Variants in AFF3 observed in about 807,000 individuals in gnomAD.
AFF3 encodes ALF transcription elongation factor 3.
A neutral mutation model predicts 129.7 loss-of-function variants in AFF3; 32 were observed. The observed-to-expected ratio is 0.25, with a 90% CI of 0.19 to 0.33. AFF3 has a LOEUF of 0.33. AFF3 is among the 10% of genes least tolerant of loss of function. The pLI, the probability that AFF3 is intolerant of heterozygous loss-of-function variation, is 1.00. For missense variants in AFF3, 1,373 were observed against 1,592.0 expected, an observed-to-expected ratio of 0.86 and a Z score of 2.34; for synonymous variants, 644 against 635.4, an observed-to-expected ratio of 1.01 and a Z score of -0.20.
At chr2:99,890,367 C>T (rs934727227) in intron 7 of AFF3, among the ~76,000 whole-genome samples, 2 of 152,226 alleles carry the variant, frequency 1.3e-5, no homozygotes, top group Non-Finnish European at 2.9e-5. Flanking sequence ...AAATACTTTG[C>T]TTCTAATCCT....
intron 13 of AFF3, among the ~76,000 whole-genome samples, chr2:99,628,738 T>TTTTTTTTTTG (rs1682841620): frequency 6.7e-6 from 1 of 148,338 alleles, no homozygotes; most frequent in Non-Finnish European, 1.5e-5. Flanking sequence ...TTTTTTTTTT[T>TTTTTTTTTTG]GAGACAGAGT....
chr2:100,012,463 G>A (rs765606926), intron 4 of AFF3, among the ~76,000 whole-genome samples: 1 of 152,170 alleles, frequency 6.6e-6, no homozygotes, highest in Non-Finnish European at 1.5e-5. Flanking sequence ...GTAAGAGAAA[G>A]GCTGGGCTTC....
At chr2:100,086,950 T>C (rs1477147950) in intron 4 of AFF3, among the ~76,000 whole-genome samples, 3 of 152,228 alleles carry the variant, frequency 2.0e-5, no homozygotes, top group Non-Finnish European at 4.4e-5. Flanking sequence ...AAATGAAGCT[T>C]TGGAGAAGGT....
At chr2:99,967,722 C>A (rs781021290) in intron 7 of AFF3, among the ~76,000 whole-genome samples, 16 of 152,192 alleles carry the variant, frequency 1.1e-4, no homozygotes, top group Non-Finnish European at 2.2e-4. Context: ...ATTTCAGGCA[C>A]CTCACCCACC....
chr2:99,788,959 G>A (rs1231163766), intron 8 of AFF3, among the ~76,000 whole-genome samples: 1 of 152,192 alleles, frequency 6.6e-6, no homozygotes, highest in Admixed American at 6.5e-5. Flanking sequence ...TTCTGGCCTA[G>A]GAGCAACAGA....
intron 12 of AFF3, among the ~76,000 whole-genome samples, chr2:99,653,746 CAG>C (rs1223315215): frequency 2.0e-5 from 3 of 152,144 alleles, no homozygotes; most frequent in Non-Finnish European, 4.4e-5. Context: ...GGCCGAGAGA[CAG>C]GGCACCCTAC....
intron 12 of AFF3, among the ~76,000 whole-genome samples, chr2:99,668,579 T>C (rs997878077): frequency 2.6e-5 from 4 of 151,536 alleles, no homozygotes; most frequent in South Asian, 2.1e-4. Flanking sequence ...TGTTTTTTTT[T>C]CGAGAAGGAA....
intron 4 of AFF3, among the ~76,000 whole-genome samples, chr2:100,069,294 A>T (rs1687980115): frequency 6.6e-6 from 1 of 152,174 alleles, no homozygotes; most frequent in African/African-American, 2.4e-5. Flanking sequence ...AGATAATCAG[A>T]TCTATACCCC....
At chr2:99,838,997 T>G (rs6731666) in intron 7 of AFF3, among the ~76,000 whole-genome samples, 33 of 152,036 alleles carry the variant, frequency 2.2e-4, no homozygotes, top group Non-Finnish European at 4.1e-4. Context: ...CACACATGAT[T>G]GAGACCTTCT....
At chr2:99,896,876 C>G (rs913226390) in intron 7 of AFF3, among the ~76,000 whole-genome samples, 2 of 151,950 alleles carry the variant, frequency 1.3e-5, no homozygotes, top group Non-Finnish European at 2.9e-5. Flanking sequence ...ACCTCGTGAT[C>G]TGCCCGCCTC....
At chr2:99,865,361 G>A (rs1214824278) in intron 7 of AFF3, among the ~76,000 whole-genome samples, 3 of 152,206 alleles carry the variant, frequency 2.0e-5, no homozygotes, top group Non-Finnish European at 4.4e-5. Context: ...ATAGGCTCTA[G>A]AGACAGAGAG....
chr2:99,994,961 A>G (rs1680703601), intron 7 of AFF3, among the ~76,000 whole-genome samples: 1 of 152,242 alleles, frequency 6.6e-6, no homozygotes, highest in South Asian at 2.1e-4. Flanking sequence ...GACAGCCCAA[A>G]GACAAGTGAG....
chr2:100,123,998 T>TA (rs1351494888), intron 2 of AFF3, among the ~76,000 whole-genome samples: 1 of 152,090 alleles, frequency 6.6e-6, no homozygotes, highest in Non-Finnish European at 1.5e-5. Context: ...ATTACACTCT[T>TA]AAAAGCAGAA....
intron 7 of AFF3, among the ~76,000 whole-genome samples, chr2:99,948,204 G>GT (rs1429445375): frequency 1.3e-5 from 2 of 152,262 alleles, no homozygotes; most frequent in African/African-American, 4.8e-5. Flanking sequence ...GAGCTCTCTG[G>GT]TCTGTGGCTG....
intron 4 of AFF3, among the ~76,000 whole-genome samples, chr2:100,100,403 G>C (rs938866210): frequency 2.0e-5 from 3 of 149,480 alleles, no homozygotes; most frequent in African/African-American, 7.4e-5. Flanking sequence ...GAAAGCCCTT[G>C]TTCAAGTTTT....
chr2:100,031,035 T>A (rs1464689025), intron 4 of AFF3, among the ~76,000 whole-genome samples: 1 of 152,168 alleles, frequency 6.6e-6, no homozygotes, highest in African/African-American at 2.4e-5. Context: ...AGATTATACA[T>A]ATGCATTTTA....
intron 8 of AFF3, among the ~76,000 whole-genome samples, chr2:99,775,770 T>G (rs1186486987): frequency 1.3e-5 from 2 of 152,134 alleles, no homozygotes; most frequent in African/African-American, 4.8e-5. Flanking sequence ...TTATAGGAAT[T>G]CCTGAAAGAC....
intron 13 of AFF3, among the ~76,000 whole-genome samples, chr2:99,637,076 A>T (rs991573837): frequency 2.0e-5 from 3 of 152,148 alleles, no homozygotes; most frequent in Non-Finnish European, 4.4e-5. Flanking sequence ...GGGGAAATGG[A>T]GAGGACGGGA....
At position 99,915,056 on chromosome 2, in the gene AFF3, G is replaced by A. The variant is rs116592651; in HGVS notation, c.874-77532C>T. On this transcript the variant is annotated intron_variant, in intron 7 of 24. Transcript: ENST00000672756. ...GCAGGGTAGGGCAGGGCAAAGCAAC[G>A]TGGTGAAGTGTTCATGTTTAGGGAA... 5.2e-3 allele frequency among the ~76,000 whole-genome samples: 787 copies of A among 152,248 alleles called. 4 individuals are homozygous for A. Among genetic ancestry groups the A allele is most frequent in the African/African-American group, 0.018 (754 of 41,538 alleles).
Sources: allele counts gnomAD v4.1 joint callset (sites outside exome capture counted in the v4.1 genomes callset), GRCh38; gene constraint gnomAD v4.1.1; transcripts MANE v1.5; gene names NCBI Gene and HGNC (gene_info 2026-07-23, HGNC 2026-07-21).